The following TFB1M variants were observed in gnomAD, a reference collection of about 807,000 sequenced individuals.
The protein encoded by TFB1M is dimethyladenosine transferase 1, mitochondrial.
TFB1M carries 27 observed loss-of-function variants against 31.1 expected under a neutral mutation model. The observed-to-expected ratio is 0.87, with a 90% CI of 0.64 to 1.20. The LOEUF (loss-of-function observed/expected upper bound fraction) is 1.20, where lower values mean the gene tolerates loss of function less well. Among genes scored for constraint, TFB1M ranks in the 50% most tolerant of loss-of-function variants. TFB1M has a pLI of 0.00. For missense variants in TFB1M, 394 were observed against 418.7 expected (o/e 0.94, Z 0.51); for synonymous variants, 166 against 151.8 (o/e 1.09, Z -0.69).
chr6:155,276,200 G>A lies in TFB1M; in HGVS notation c.666+8958C>T, dbSNP rs759722908. On this transcript the variant is annotated intron_variant, in intron 5 of 6. Transcript: ENST00000367166. The stretch of plus-strand genomic sequence containing the variant: ...TCCAGAAAGCAACAAACATGAACCT[G>A]GAGGAGCTATCTATATCGGATTCAT... 4 of 1,613,916 alleles carry A rather than the reference G, an allele frequency of 2.5e-6. No homozygotes were observed. In the Admixed American group the frequency reaches 5.0e-5, roughly 20 times the overall value.
intron 5 of TFB1M, among the ~76,000 whole-genome samples, chr6:155,270,145 T>C (rs1784856198): frequency 6.6e-6 from 1 of 152,162 alleles, no homozygotes; most frequent in African/African-American, 2.4e-5. Flanking sequence ...GGCGGCCAAA[T>C]GGAAGGAAGG....
rs184867511 is a variant in TFB1M, at chr6:155,302,986, C to T, written c.286-4401G>A. Among the ~76,000 whole-genome samples, 5 of 152,250 alleles carry T rather than the reference C, an allele frequency of 3.3e-5. No individual in the cohort carries two copies. In the East Asian group the frequency reaches 5.8e-4, roughly 18 times the overall value. On this transcript the variant is annotated intron_variant, in intron 2 of 6. Transcript: ENST00000367166. ...TGCCCCTTATAAAACCATCAGATCT[C>T]GTGAGAGCTCACTGATGAGATTTGA...
chr6:155,238,431 C>T, the TFB1M span, among the ~76,000 whole-genome samples: 64,425 of 152,116 alleles, frequency 0.42, 14,755 homozygotes, highest in Middle Eastern at 0.56. Context: ...GTTGCCTCCA[C>T]GTTTTCAGTT....
chr6:155,252,905 A>T (rs1363941543), downstream of TFB1M: 4 of 1,552,564 alleles, frequency 2.6e-6, no homozygotes. Flanking sequence ...TCCCTCAGTG[A>T]CAGCTTCCCT....
chr6:155,279,705 C>T (rs1583336939), intron 5 of TFB1M, among the ~76,000 whole-genome samples: 1 of 152,264 alleles, frequency 6.6e-6, no homozygotes, highest in Non-Finnish European at 1.5e-5. Flanking sequence ...TCTCCAGTTA[C>T]TTTTGTATTA....
At chr6:155,273,091 C>A (rs1291237737) in intron 5 of TFB1M, among the ~76,000 whole-genome samples, 5 of 152,212 alleles carry the variant, frequency 3.3e-5, no homozygotes, top group African/African-American at 1.2e-4. Flanking sequence ...AGTAATTTAG[C>A]AAGCTGGCTG....
chr6:155,313,996 A>G (rs1778131590), intron 1 of TFB1M: 1 of 824,428 alleles, frequency 1.2e-6, no homozygotes, highest in Admixed American at 3.3e-5. Context: ...CCAGATTCCA[A>G]TATTCACTAG....
At chr6:155,242,237 G>A in the TFB1M span, among the ~76,000 whole-genome samples, 1 of 152,224 alleles carries the variant, frequency 6.6e-6, no homozygotes, top group African/African-American at 2.4e-5. Context: ...TGACTGCCAG[G>A]CCCCAACACC....
chr6:155,314,429 G>C lies in TFB1M; in HGVS notation c.-1C>G, dbSNP rs1778163480. 1 of 1,614,184 alleles carries C rather than the reference G, an allele frequency of 6.2e-7. No individual in the cohort carries two copies. The highest frequency in any genetic ancestry group is 8.5e-7 in the Non-Finnish European group (1 of 1,180,000). ...TGCTGAGTTTTCCGGAGGCAGCCAT[G>C]ATACGCGGCAAGCACCATCCAACCC... On this transcript the variant is annotated 5_prime_UTR_variant, in exon 1 of 7. In the 5' UTR this introduces an upstream ATG that the reference lacks. Transcript: ENST00000367166.
At chr6:155,238,949 C>T in the TFB1M span, among the ~76,000 whole-genome samples, 1 of 152,146 alleles carries the variant, frequency 6.6e-6, no homozygotes, top group Non-Finnish European at 1.5e-5. Flanking sequence ...CATATGACAA[C>T]ACTGTGTTGG....
chr6:155,297,087 T>C lies in TFB1M; in HGVS notation c.412A>G (p.Ile138Val). 6.2e-7 allele frequency: 1 copy of C among 1,613,688 alleles called. No homozygotes were observed. Among genetic ancestry groups the C allele is most frequent in the Non-Finnish European group, 8.5e-7 (1 of 1,179,970 alleles). ...PWEDDPPNVH[I>V]IGNLPFSVST... ...ACACTAAAAGGCAGATTTCCAATAA[T>C]ATGTACATTTGGAGGATCTGGTGGC... Residue 138 changes from isoleucine (I) to valine (V), a missense_variant, in exon 4 of 7, where the codon ATT becomes GTT. Ile to Val is a conservative substitution (Grantham distance 29). Transcript: ENST00000367166.
rs200714155 is a variant in TFB1M, at chr6:155,256,590, C to T, written c.*1246G>A. ...ACTCTGACGAGGGCAGCTTGAGCAG[C>T]GGCACCCAGAGCAGCGGCTGCCCCA... On this transcript the variant is annotated 3_prime_UTR_variant, in exon 7 of 7. Transcript: ENST00000367166. 2.5e-5 allele frequency: 41 copies of T among 1,614,040 alleles called. No homozygotes were observed. Among genetic ancestry groups the T allele is most frequent in the African/African-American group, 1.3e-4 (10 of 75,034 alleles).
chr6:155,247,096 G>A, the TFB1M span, among the ~76,000 whole-genome samples: 209 of 152,344 alleles, frequency 1.4e-3, 3 homozygotes, highest in African/African-American at 4.6e-3. Flanking sequence ...CTAGGTATGC[G>A]AAAGGTGAAT....
At chr6:155,243,370 C>T in the TFB1M span, among the ~76,000 whole-genome samples, 1 of 152,158 alleles carries the variant, frequency 6.6e-6, no homozygotes, top group Admixed American at 6.5e-5. Context: ...GACGCCCTTC[C>T]TCTGCAGGGA....
At chr6:155,267,242 T>C (rs1332337857) in intron 5 of TFB1M, among the ~76,000 whole-genome samples, 1 of 152,198 alleles carries the variant, frequency 6.6e-6, no homozygotes, top group Non-Finnish European at 1.5e-5. Context: ...CCCAAAGTGT[T>C]GGGATTATGG....
At chr6:155,295,293 G>C (rs1777116171) in intron 4 of TFB1M, among the ~76,000 whole-genome samples, 1 of 151,992 alleles carries the variant, frequency 6.6e-6, no homozygotes, top group Admixed American at 6.5e-5. Flanking sequence ...GTGAACCCGG[G>C]AGACGGAGCT....
intron 5 of TFB1M, among the ~76,000 whole-genome samples, chr6:155,270,804 G>C (rs1212292864): frequency 2.0e-5 from 3 of 152,154 alleles, no homozygotes; most frequent in Non-Finnish European, 4.4e-5. Context: ...CCCTGGTGAG[G>C]TGTCTTCGGA....
chr6:155,305,613 ATT>A (rs1323456376), intron 2 of TFB1M, among the ~76,000 whole-genome samples: 1 of 81,692 alleles, frequency 1.2e-5, no homozygotes, highest in Non-Finnish European at 2.1e-5. Flanking sequence ...ATATATATAT[ATT>A]AAATTATATA....
At chr6:155,247,912 TA>T in the TFB1M span, 1 of 1,456,694 alleles carries the variant, frequency 6.9e-7, no homozygotes, top group Non-Finnish European at 9.3e-7. Flanking sequence ...ACTATAGAAA[TA>T]GATGATCTAT....
Sources: gnomAD v4.1 joint callset for allele counts (sites outside exome capture counted in the v4.1 genomes callset) on GRCh38, gnomAD v4.1.1 for gene constraint, MANE v1.5 for transcripts, NCBI Gene and HGNC (gene_info 2026-07-23, HGNC 2026-07-21) for gene names.